LRP1B: variants seen among roughly 807,000 people sequenced by gnomAD.
The protein encoded by LRP1B is low-density lipoprotein receptor-related protein 1B.
LRP1B carries 217 observed loss-of-function variants against 556.6 expected under a neutral mutation model. The ratio of observed to expected loss-of-function variants is 0.39; its 90% CI spans 0.35 to 0.44. The LOEUF (loss-of-function observed/expected upper bound fraction) is 0.44, where lower values mean the gene tolerates loss of function less well. Among genes scored for constraint, LRP1B ranks in the 20% least tolerant of loss-of-function variants. The pLI is 1.00. For missense variants in LRP1B, 5,053 were observed against 5,620.8 expected (o/e 0.90, Z 3.23); for synonymous variants, 2,047 against 1,865.8 (o/e 1.10, Z -2.50).
rs371902229 is a variant in LRP1B at position 140,489,511 on chromosome 2, C to T, written c.9121-1772G>A. Among the ~76,000 whole-genome samples the T allele has an allele frequency of 2.0e-4, 30 of 152,142 alleles. No individual in the cohort carries two copies. In the South Asian group the frequency reaches 6.2e-3, roughly 32 times the overall value. ...TTTACATCCTAAAAACTGGAGAACT[C>T]CTTAACTAAATGCACATAACCATAT... On this transcript the variant is annotated intron_variant, in intron 57 of 90. Transcript: ENST00000389484.
At chr2:141,962,586 T>G in intron 1 of LRP1B, among the ~76,000 whole-genome samples, 1 of 151,790 alleles carries the variant, frequency 6.6e-6, no homozygotes, top group Admixed American at 6.6e-5. Context: ...AAGTTTTTTC[T>G]GAGTCTAAAT....
chr2:141,021,748 G>A (rs1239634008), intron 11 of LRP1B, among the ~76,000 whole-genome samples: 1 of 151,894 alleles, frequency 6.6e-6, no homozygotes, highest in African/African-American at 2.4e-5. Context: ...TTACAATGCT[G>A]TATGGATGAA....
At chr2:141,583,930 G>C (rs937979755) in intron 2 of LRP1B, among the ~76,000 whole-genome samples, 2 of 150,196 alleles carry the variant, frequency 1.3e-5, no homozygotes, top group South Asian at 2.1e-4. Context: ...AGTAGCGATG[G>C]GGTTTCACTG....
intron 1 of LRP1B, among the ~76,000 whole-genome samples, chr2:142,094,996 A>G (rs926192143): frequency 1.3e-5 from 2 of 151,878 alleles, no homozygotes; most frequent in African/African-American, 4.8e-5. Context: ...TATTTGTAGC[A>G]TCTATGTGAA....
intron 2 of LRP1B, among the ~76,000 whole-genome samples, chr2:141,735,327 G>A (rs1380993274): frequency 1.3e-5 from 2 of 151,892 alleles, no homozygotes; most frequent in Non-Finnish European, 1.5e-5. Context: ...TCAGCATGGA[G>A]AAATCACTGA....
chr2:140,321,936 A>G (rs200748551), intron 82 of LRP1B, 27 bp downstream of exon 82: 136 of 1,591,754 alleles, frequency 8.5e-5, no homozygotes, highest in African/African-American at 2.7e-5. Context: ...TTAATTCATT[A>G]TTTACAGAAT....
intron 1 of LRP1B, among the ~76,000 whole-genome samples, chr2:142,047,065 A>C (rs1416967472): frequency 6.6e-6 from 1 of 152,034 alleles, no homozygotes; most frequent in Admixed American, 6.6e-5. Flanking sequence ...CAGTACTTCA[A>C]ATATCAAGCT....
At chr2:141,832,201 A>C (rs1324985564) in intron 1 of LRP1B, among the ~76,000 whole-genome samples, 1 of 148,758 alleles carries the variant, frequency 6.7e-6, no homozygotes, top group Non-Finnish European at 1.5e-5. Flanking sequence ...TGGTTCATTT[A>C]TTTTTTTTTT....
chr2:140,632,694 A>G (rs1302842068), intron 41 of LRP1B, among the ~76,000 whole-genome samples: 1 of 152,228 alleles, frequency 6.6e-6, no homozygotes, highest in Non-Finnish European at 1.5e-5. Flanking sequence ...GTTTAGATAC[A>G]CCAATTAAAA....
At chr2:141,773,038 A>T (rs1199200456) in intron 2 of LRP1B, among the ~76,000 whole-genome samples, 1 of 152,204 alleles carries the variant, frequency 6.6e-6, no homozygotes, top group African/African-American at 2.4e-5. Flanking sequence ...GTAATATATT[A>T]AACTAGAGTA....
intron 7 of LRP1B, among the ~76,000 whole-genome samples, chr2:141,075,816 T>C (rs914681371): frequency 4.6e-5 from 7 of 152,228 alleles, no homozygotes; most frequent in African/African-American, 1.7e-4. Flanking sequence ...TGTCCATTTC[T>C]ATTTCAAATT....
chr2:141,686,379 T>C (rs1691303043), intron 2 of LRP1B, among the ~76,000 whole-genome samples: 1 of 152,042 alleles, frequency 6.6e-6, no homozygotes, highest in Admixed American at 6.6e-5. Context: ...TGATTAGACA[T>C]GTTGAAGACT....
At chr2:141,014,794 G>C (rs1408136391) in intron 13 of LRP1B, among the ~76,000 whole-genome samples, 1 of 152,020 alleles carries the variant, frequency 6.6e-6, no homozygotes, top group Non-Finnish European at 1.5e-5. Context: ...TCTAGCACCT[G>C]TTAAGTGTGT....
At chr2:140,548,255 T>C (rs1393870580) in intron 43 of LRP1B, among the ~76,000 whole-genome samples, 1 of 152,174 alleles carries the variant, frequency 6.6e-6, no homozygotes, top group East Asian at 1.9e-4. Flanking sequence ...GAACTTGATA[T>C]AAGGTTTAAC....
chr2:141,677,254 CAGAAAAAG>C, intron 2 of LRP1B, among the ~76,000 whole-genome samples: 2 of 151,986 alleles, frequency 1.3e-5, no homozygotes, highest in East Asian at 3.9e-4. Context: ...TGGAATTTTA[CAGAAAAAG>C]AGGAACCCAG....
intron 1 of LRP1B, among the ~76,000 whole-genome samples, chr2:141,935,341 A>C (rs1558971580): frequency 6.6e-6 from 1 of 152,190 alleles, no homozygotes. Context: ...AAAGTATAAA[A>C]TATGAAACTG....
chr2:140,916,878 C>T (rs1406483247), intron 21 of LRP1B, among the ~76,000 whole-genome samples: 1 of 152,138 alleles, frequency 6.6e-6, no homozygotes, highest in Non-Finnish European at 1.5e-5. Flanking sequence ...ATATTACATG[C>T]TATGCCCACT....
At chr2:141,119,843 C>A (rs1701001483) in intron 7 of LRP1B, among the ~76,000 whole-genome samples, 1 of 151,666 alleles carries the variant, frequency 6.6e-6, no homozygotes, top group Non-Finnish European at 1.5e-5. Flanking sequence ...GTGTAAGGCA[C>A]AGACTTGGCC....
chr2:141,034,681 G>A (rs905935492), intron 11 of LRP1B, among the ~76,000 whole-genome samples: 1 of 150,138 alleles, frequency 6.7e-6, no homozygotes, highest in African/African-American at 2.4e-5. Context: ...CAGTTAGAAT[G>A]GCAATCATTA....
Sources: allele counts gnomAD v4.1 joint callset (sites outside exome capture counted in the v4.1 genomes callset), GRCh38; gene constraint gnomAD v4.1.1; transcripts MANE v1.5; gene names NCBI Gene and HGNC (gene_info 2026-07-23, HGNC 2026-07-21).